PLGRKT: variants seen among roughly 807,000 people sequenced by gnomAD.
PLGRKT encodes plasminogen receptor (KT).
Under a neutral mutation model 18.5 loss-of-function variants are expected in PLGRKT, and 22 were observed. That is an observed-to-expected ratio of 1.19 (90% CI 0.85 to 1.70). The LOEUF is 1.70. Among genes scored for constraint, PLGRKT ranks in the 40% most tolerant of loss-of-function variants. The pLI, the probability that PLGRKT is intolerant of heterozygous loss-of-function variation, is 0.00. For missense variants in PLGRKT, 235 were observed against 174.4 expected (o/e 1.35, Z -1.96); for synonymous variants, 72 against 52.8 (o/e 1.36, Z -1.58).
chr9:5,401,400 G>T (rs970562758), intron 3 of PLGRKT, among the ~76,000 whole-genome samples: 25 of 151,938 alleles, frequency 1.6e-4, no homozygotes, highest in African/African-American at 5.8e-4. Context: ...CATTTAGAAT[G>T]AGGTAAATAT....
chr9:5,395,657 TG>T (rs1818030435), intron 3 of PLGRKT, among the ~76,000 whole-genome samples: 1 of 151,980 alleles, frequency 6.6e-6, no homozygotes, highest in South Asian at 2.1e-4. Flanking sequence ...CTACTTGATC[TG>T]GCATTTTCTT....
At chr9:5,429,786 C>T (rs1035288178) in intron 3 of PLGRKT, among the ~76,000 whole-genome samples, 4 of 152,230 alleles carry the variant, frequency 2.6e-5, no homozygotes, top group African/African-American at 4.8e-5. Context: ...ACAGGAGACA[C>T]ATTTCAACCC....
intron 3 of PLGRKT, chr9:5,381,898 G>C (rs1235558429): frequency 2.0e-6 from 2 of 985,020 alleles, no homozygotes; most frequent in Non-Finnish European, 2.4e-6. Flanking sequence ...CCAAATCACA[G>C]AGGGACCACA....
At chr9:5,370,415 A>G (rs538353607) in intron 3 of PLGRKT, among the ~76,000 whole-genome samples, 1 of 152,346 alleles carries the variant, frequency 6.6e-6, no homozygotes, top group South Asian at 2.1e-4. Flanking sequence ...CAATGACATT[A>G]TCCAAAATCA....
chr9:5,409,307 C>A (rs1156917998), intron 3 of PLGRKT, among the ~76,000 whole-genome samples: 2 of 152,200 alleles, frequency 1.3e-5, no homozygotes, highest in Non-Finnish European at 2.9e-5. Context: ...TGGGCACCAT[C>A]TAATCAGCTG....
chr9:5,395,448 A>G (rs1417957207), intron 3 of PLGRKT, among the ~76,000 whole-genome samples: 1 of 152,002 alleles, frequency 6.6e-6, no homozygotes, highest in Non-Finnish European at 1.5e-5. Context: ...AATCCTGGAC[A>G]GTAGTTCTGA....
intron 3 of PLGRKT, among the ~76,000 whole-genome samples, chr9:5,387,459 A>T (rs1389588498): frequency 6.6e-6 from 1 of 152,018 alleles, no homozygotes; most frequent in Non-Finnish European, 1.5e-5. Context: ...ATACTATAAA[A>T]CATGGAAAAA....
intron 3 of PLGRKT, among the ~76,000 whole-genome samples, chr9:5,408,896 T>C (rs1221177300): frequency 1.3e-5 from 2 of 152,224 alleles, no homozygotes; most frequent in African/African-American, 4.8e-5. Context: ...CAGATACAGA[T>C]ACAGCTCTGG....
chr9:5,376,892 G>A (rs1465017106), intron 3 of PLGRKT, among the ~76,000 whole-genome samples: 4 of 152,122 alleles, frequency 2.6e-5, no homozygotes, highest in Admixed American at 2.6e-4. Flanking sequence ...AGGTGGCTGG[G>A]GACAGGGGTA....
intron 3 of PLGRKT, among the ~76,000 whole-genome samples, chr9:5,415,204 A>C (rs1818436670): frequency 6.6e-6 from 1 of 152,258 alleles, no homozygotes; most frequent in Admixed American, 6.5e-5. Flanking sequence ...AAAAAGATAT[A>C]GAAAGCAAAT....
intron 3 of PLGRKT, among the ~76,000 whole-genome samples, chr9:5,397,598 G>A (rs756228009): frequency 6.6e-6 from 1 of 151,576 alleles, no homozygotes; most frequent in African/African-American, 2.4e-5. Context: ...GAAAGAAACA[G>A]GGAAAAGGAG....
chr9:5,377,289 T>TA (rs1280592566), intron 3 of PLGRKT, among the ~76,000 whole-genome samples: 30 of 151,916 alleles, frequency 2.0e-4, no homozygotes, highest in Non-Finnish European at 4.3e-4. Context: ...ACTGAAATAT[T>TA]AAACAAGGCT....
At chr9:5,393,899 T>C (rs957272312) in intron 3 of PLGRKT, among the ~76,000 whole-genome samples, 5 of 151,942 alleles carry the variant, frequency 3.3e-5, no homozygotes, top group Non-Finnish European at 7.3e-5. Context: ...AATACAAATA[T>C]ATGCCCTCAT....
At chr9:5,420,172 C>A (rs1818547416) in intron 3 of PLGRKT, among the ~76,000 whole-genome samples, 1 of 152,168 alleles carries the variant, frequency 6.6e-6, no homozygotes, top group South Asian at 2.1e-4. Context: ...CCAAAATAGG[C>A]AAACCCATTG....
At chr9:5,419,002 G>A (rs544857237) in intron 3 of PLGRKT, 2 of 578,106 alleles carry the variant, frequency 3.5e-6, no homozygotes, top group Non-Finnish European at 3.0e-6. Flanking sequence ...GGAAGGGCAA[G>A]GCCAAGGGGA....
intron 3 of PLGRKT, among the ~76,000 whole-genome samples, chr9:5,385,287 T>C (rs1242573454): frequency 6.6e-6 from 1 of 152,056 alleles, no homozygotes; most frequent in Non-Finnish European, 1.5e-5. Context: ...CAATGTTTGT[T>C]ATTCTTGTGG....
chr9:5,429,590 A>G (rs915528502), intron 3 of PLGRKT, among the ~76,000 whole-genome samples: 1 of 152,166 alleles, frequency 6.6e-6, no homozygotes, highest in Non-Finnish European at 1.5e-5. Context: ...CGGTATGCAT[A>G]GTCCAGTATG....
At chr9:5,392,231 T>C (rs1817963170) in intron 3 of PLGRKT, 1 of 151,944 alleles carries the variant, frequency 6.6e-6, no homozygotes, top group Non-Finnish European at 1.5e-5. Flanking sequence ...TGGGTATTTG[T>C]CAAGTTGTTA....
chr9:5,421,671 T>C (rs1301703254), intron 3 of PLGRKT, among the ~76,000 whole-genome samples: 1 of 152,272 alleles, frequency 6.6e-6, no homozygotes, highest in African/African-American at 2.4e-5. Context: ...GTGTGCTAAA[T>C]TCTTGTATGT....
Sources: allele counts gnomAD v4.1 joint callset (sites outside exome capture counted in the v4.1 genomes callset), GRCh38; gene constraint gnomAD v4.1.1; transcripts MANE v1.5; gene names NCBI Gene and HGNC (gene_info 2026-07-23, HGNC 2026-07-21).